Variants in PRKCB observed in about 807,000 individuals in gnomAD.
PRKCB encodes protein kinase C beta.
PRKCB carries 13 observed loss-of-function variants against 81.5 expected under a neutral mutation model. The observed-to-expected ratio is 0.16, with a 90% CI of 0.10 to 0.25. The LOEUF (loss-of-function observed/expected upper bound fraction) is 0.25, where lower values mean the gene tolerates loss of function less well. Ranked by LOEUF, PRKCB falls within the 10% of genes least tolerant of loss-of-function variation. The pLI is 1.00. For synonymous variants in PRKCB, 335 were observed against 321.4 expected, an observed-to-expected ratio of 1.04 and a Z score of -0.45; for missense variants, 509 against 875.7, an observed-to-expected ratio of 0.58 and a Z score of 5.29.
intron 12 of PRKCB, among the ~76,000 whole-genome samples, chr16:24,175,691 G>T (rs905935313): frequency 1.3e-5 from 2 of 151,814 alleles, no homozygotes; most frequent in South Asian, 2.1e-4. Context: ...GCATGAGGGG[G>T]CTGGGCACAG....
At chr16:23,982,830 C>G (rs1964756302) in intron 2 of PRKCB, among the ~76,000 whole-genome samples, 1 of 152,068 alleles carries the variant, frequency 6.6e-6, no homozygotes, top group Non-Finnish European at 1.5e-5. Context: ...TAGCAATTTC[C>G]CCTTTTAAAC....
At chr16:24,051,631 T>A (rs1174528727) in intron 5 of PRKCB, among the ~76,000 whole-genome samples, 1 of 151,834 alleles carries the variant, frequency 6.6e-6, no homozygotes, top group Non-Finnish European at 1.5e-5. Context: ...TCCCAGAGAC[T>A]CAGGAGGCTG....
At chr16:24,074,728 A>G (rs1057470895) in intron 5 of PRKCB, among the ~76,000 whole-genome samples, 2 of 152,172 alleles carry the variant, frequency 1.3e-5, no homozygotes, top group African/African-American at 4.8e-5. Flanking sequence ...GTGACCTGAA[A>G]GGAGACGAGG....
intron 3 of PRKCB, among the ~76,000 whole-genome samples, chr16:24,002,169 A>G (rs1965043219): frequency 6.6e-6 from 1 of 152,032 alleles, no homozygotes; most frequent in African/African-American, 2.4e-5. Flanking sequence ...CCTTGCTAGC[A>G]TTGACTGAGG....
intron 3 of PRKCB, among the ~76,000 whole-genome samples, chr16:24,013,596 C>T (rs978319443): frequency 4.6e-5 from 7 of 152,104 alleles, no homozygotes; most frequent in Non-Finnish European, 2.9e-5. Flanking sequence ...GCTGTTACTG[C>T]ACTAGTAATT....
At chr16:23,886,055 C>T (rs1597228343) in intron 2 of PRKCB, among the ~76,000 whole-genome samples, 1 of 152,144 alleles carries the variant, frequency 6.6e-6, no homozygotes, top group East Asian at 1.9e-4. Context: ...CTCTTTGAGA[C>T]AAGTGTGTTG....
chr16:24,113,280 C>T (rs918445621), intron 8 of PRKCB, among the ~76,000 whole-genome samples: 1 of 146,842 alleles, frequency 6.8e-6, no homozygotes, highest in Admixed American at 6.8e-5. Flanking sequence ...TTCTCTCTTG[C>T]TTTCTCTTGC....
At chr16:23,957,071 T>C (rs1964359677) in intron 2 of PRKCB, among the ~76,000 whole-genome samples, 1 of 141,950 alleles carries the variant, frequency 7.0e-6, no homozygotes, top group African/African-American at 2.7e-5. Context: ...CCAGAAGCCA[T>C]AAAGAAAAAG....
chr16:24,085,189 A>G (rs943098007), intron 5 of PRKCB, among the ~76,000 whole-genome samples: 2 of 152,072 alleles, frequency 1.3e-5, no homozygotes, highest in African/African-American at 4.8e-5. Flanking sequence ...TAGAGACATA[A>G]AAGGATAAAC....
intron 7 of PRKCB, among the ~76,000 whole-genome samples, chr16:24,105,042 G>T (rs1462727910): frequency 6.9e-6 from 1 of 145,980 alleles, no homozygotes; most frequent in African/African-American, 2.5e-5. Flanking sequence ...TGTAACAAGC[G>T]GCACGTTGTT....
At chr16:24,125,589 G>A (rs77657460) in intron 9 of PRKCB, among the ~76,000 whole-genome samples, 2,004 of 152,224 alleles carry the variant, frequency 0.013, 40 homozygotes, top group African/African-American at 0.024. Flanking sequence ...ACTCTCTCAT[G>A]GCACCCATCA....
intron 9 of PRKCB, among the ~76,000 whole-genome samples, chr16:24,125,266 T>G (rs1014182842): frequency 6.6e-6 from 1 of 152,232 alleles, no homozygotes; most frequent in Non-Finnish European, 1.5e-5. Flanking sequence ...TCCATCCAAT[T>G]AGAAGCAATT....
intron 3 of PRKCB, among the ~76,000 whole-genome samples, chr16:24,013,680 G>T (rs1567344073): frequency 6.6e-6 from 1 of 151,806 alleles, no homozygotes; most frequent in Admixed American, 6.6e-5. Context: ...CCACACCTAG[G>T]ATGCTGCATG....
chr16:23,980,796 A>AG (rs1964688776), intron 2 of PRKCB, among the ~76,000 whole-genome samples: 1 of 149,340 alleles, frequency 6.7e-6, no homozygotes, highest in African/African-American at 2.6e-5. Context: ...GACTCCAAAC[A>AG]GAATATATAT....
At chr16:24,078,279 A>C (rs965015605) in intron 5 of PRKCB, among the ~76,000 whole-genome samples, 1 of 152,228 alleles carries the variant, frequency 6.6e-6, no homozygotes, top group African/African-American at 2.4e-5. Flanking sequence ...TCCATGCTTC[A>C]TGCTGCATTT....
intron 3 of PRKCB, among the ~76,000 whole-genome samples, chr16:24,024,106 G>A (rs1965444412): frequency 6.6e-6 from 1 of 152,196 alleles, no homozygotes; most frequent in Non-Finnish European, 1.5e-5. Context: ...CTTTGTCTTT[G>A]TTTCTCCAGG....
Position 24,217,811 on chromosome 16 carries a change from G to T in PRKCB, c.*2995G>T. 1.0e-6 allele frequency: 1 copy of T among 985,400 alleles called. No homozygotes were observed. Among genetic ancestry groups the T allele is most frequent in the Non-Finnish European group, 1.2e-6 (1 of 829,944 alleles). 61.0% of individuals were successfully genotyped at this position (985,400 alleles called of 1,614,324 possible). ...GTGTCTTCTAGCTCCAAATATACCT[G>T]CCTTTTAGCTCACACACTGTCCTGG... On this transcript the variant is annotated 3_prime_UTR_variant, in exon 17 of 17. Coordinates refer to ENST00000643927, the MANE Select transcript of PRKCB (RefSeq NM_002738.7).
chr16:23,950,862 C>G (rs1157948284), intron 2 of PRKCB, among the ~76,000 whole-genome samples: 1 of 152,160 alleles, frequency 6.6e-6, no homozygotes, highest in East Asian at 1.9e-4. Context: ...TTTCTCAGGG[C>G]AAGGTTGCTG....
At chr16:24,144,137 A>AAG (rs1301481156) in intron 9 of PRKCB, among the ~76,000 whole-genome samples, 4 of 150,422 alleles carry the variant, frequency 2.7e-5, no homozygotes, top group Non-Finnish European at 4.4e-5. Context: ...GAGAGAGAGA[A>AAG]AGAGAGAGAG....
Sources: allele counts gnomAD v4.1 joint callset (sites outside exome capture counted in the v4.1 genomes callset), GRCh38; gene constraint gnomAD v4.1.1; transcripts MANE v1.5; gene names NCBI Gene and HGNC (gene_info 2026-07-23, HGNC 2026-07-21).